IL33: variants seen among roughly 807,000 people sequenced by gnomAD.
IL33 encodes interleukin 33, also known as interleukin-33.
In IL33, 37 loss-of-function variants were observed where a neutral mutation model predicts 27.3. That is an observed-to-expected ratio of 1.36 (90% CI 1.04 to 1.78). The LOEUF is 1.78. Ranked by LOEUF, IL33 falls within the 40% of genes most tolerant of loss-of-function variation. The pLI is 0.00. For missense variants in IL33, 406 were observed against 311.4 expected (o/e 1.30, Z -2.29); for synonymous variants, 132 against 102.9 (o/e 1.28, Z -1.71).
rs1251688809 is a variant in IL33, at chr9:6,257,264, T to G, written c.*1096T>G. The G allele has an allele frequency of 6.6e-6, 1 of 152,206 alleles. No homozygotes were observed. Among genetic ancestry groups the G allele is most frequent in the Non-Finnish European group, 1.5e-5 (1 of 68,026 alleles). 9.4% of individuals were successfully genotyped at this position (152,206 alleles called of 1,614,324 possible). Reference sequence around the variant, plus strand: ...TTTCCCATGTGCACAAGTCTTTTTGTATTCCAGCTTCCTGATAACACTGCT... The same window carrying G: ...TTTCCCATGTGCACAAGTCTTTTTGGATTCCAGCTTCCTGATAACACTGCT... On this transcript the variant is annotated 3_prime_UTR_variant, in exon 8 of 8. Transcript: ENST00000682010.
At chr9:6,251,744 TA>T (rs869033837) in intron 4 of IL33, among the ~76,000 whole-genome samples, 8 of 147,248 alleles carry the variant, frequency 5.4e-5, no homozygotes, top group Non-Finnish European at 9.0e-5. Context: ...AGATCATCAT[TA>T]AAAAAAAAAC....
intron 2 of IL33, among the ~76,000 whole-genome samples, chr9:6,244,840 C>T (rs1819734317): frequency 6.6e-6 from 1 of 152,208 alleles, no homozygotes; most frequent in East Asian, 1.9e-4. Context: ...TCCTTCTCTT[C>T]TCTTGAGCTA....
At chr9:6,251,293 G>C (rs1355974395) in intron 4 of IL33, 28 bp downstream of exon 4, 25 of 1,610,416 alleles carry the variant, frequency 1.6e-5, no homozygotes, top group Non-Finnish European at 2.1e-5. Flanking sequence ...GGTGATGTGG[G>C]AGTGAGGAGG....
At chr9:6,232,465 T>C (rs1818971306) in intron 1 of IL33, among the ~76,000 whole-genome samples, 1 of 152,234 alleles carries the variant, frequency 6.6e-6, no homozygotes, top group Non-Finnish European at 1.5e-5. Context: ...TTCCCTAATT[T>C]AAATGTATGT....
intron 1 of IL33, among the ~76,000 whole-genome samples, chr9:6,230,957 C>A (rs767154406): frequency 6.6e-6 from 1 of 152,168 alleles, no homozygotes; most frequent in Non-Finnish European, 1.5e-5. Flanking sequence ...AAAAGGGAGA[C>A]AATCATATCC....
chr9:6,217,331 C>T (rs533649467), intron 1 of IL33, among the ~76,000 whole-genome samples: 1 of 152,178 alleles, frequency 6.6e-6, no homozygotes, highest in East Asian at 1.9e-4. Context: ...ATTCAGGACC[C>T]TCTCAAACTC....
chr9:6,230,708 T>C (rs1468019246), intron 1 of IL33, among the ~76,000 whole-genome samples: 1 of 152,174 alleles, frequency 6.6e-6, no homozygotes, highest in East Asian at 1.9e-4. Flanking sequence ...TTGCTTCCAG[T>C]ACCCAGCAAT....
intron 1 of IL33, among the ~76,000 whole-genome samples, chr9:6,239,089 T>C (rs1819387255): frequency 6.6e-6 from 1 of 152,158 alleles, no homozygotes; most frequent in Admixed American, 6.5e-5. Flanking sequence ...GGCAAAGTCC[T>C]CGGCAGAACT....
intron 2 of IL33, among the ~76,000 whole-genome samples, chr9:6,246,957 G>A (rs1819894437): frequency 6.6e-6 from 1 of 152,200 alleles, no homozygotes; most frequent in South Asian, 2.1e-4. Flanking sequence ...AGGTCACCCA[G>A]GTAGAGATAT....
intron 2 of IL33, chr9:6,242,642 A>G (rs572609996): frequency 6.6e-6 from 1 of 152,316 alleles, no homozygotes; most frequent in South Asian, 2.1e-4. Flanking sequence ...TACCACTACT[A>G]AAAACATAAA....
chr9:6,239,445 C>T (rs1197875729), intron 1 of IL33, among the ~76,000 whole-genome samples: 2 of 152,160 alleles, frequency 1.3e-5, no homozygotes, highest in Admixed American at 6.5e-5. Context: ...ACTGGAAGGA[C>T]AGCGTGGGGG....
chr9:6,237,762 A>T (rs180960276), intron 1 of IL33, among the ~76,000 whole-genome samples: 116 of 152,292 alleles, frequency 7.6e-4, no homozygotes, highest in African/African-American at 1.5e-3. Flanking sequence ...TAAGATTATT[A>T]AAAAAAGTAA....
At chr9:6,218,032 T>C (rs775073803) in intron 1 of IL33, among the ~76,000 whole-genome samples, 5 of 152,182 alleles carry the variant, frequency 3.3e-5, no homozygotes, top group Non-Finnish European at 7.3e-5. Context: ...ACCCAGAAAA[T>C]GTACCTCTCT....
intron 4 of IL33, 141 bp downstream of exon 4, chr9:6,251,406 C>G: frequency 8.0e-7 from 1 of 1,252,586 alleles, no homozygotes; most frequent in South Asian, 1.4e-5. Context: ...AGCTGATGTA[C>G]CCATCTAATA....
chr9:6,215,497 A>C (rs995530532), upstream of IL33, among the ~76,000 whole-genome samples: 1 of 152,244 alleles, frequency 6.6e-6, no homozygotes, highest in Non-Finnish European at 1.5e-5. Flanking sequence ...AAAAGTGAAT[A>C]TATAAATGGC....
At chr9:6,236,145 G>A (rs532307800) in intron 1 of IL33, among the ~76,000 whole-genome samples, 26 of 151,496 alleles carry the variant, frequency 1.7e-4, no homozygotes, top group South Asian at 1.7e-3. Flanking sequence ...TAAAAGACTC[G>A]TTAAGATATA....
At chr9:6,223,100 C>T (rs1355182650) in intron 1 of IL33, among the ~76,000 whole-genome samples, 1 of 152,044 alleles carries the variant, frequency 6.6e-6, no homozygotes, top group East Asian at 1.9e-4. Context: ...TTTGGTTTCC[C>T]CCAGAGGTAA....
Position 6,251,162 on chromosome 9 carries a change from G to C in IL33, c.240G>C (p.Leu80=), listed in dbSNP as rs769531634. The C allele has an allele frequency of 1.9e-6, 3 of 1,613,818 alleles. No individual in the cohort carries two copies. Among genetic ancestry groups the C allele is most frequent in the Admixed American group, 3.3e-5 (2 of 60,000 alleles). ...CAGGTAGAAAGCACAAAAGACATCT[G>C]GTACTCGCTGCCTGTCAACAGCAGT... The part of the protein sequence containing the change: ...LKTGRKHKRH[L]VLAACQQQST... The change falls in exon 4 of 8, where the codon CTG becomes CTC. Residue 80 remains leucine, a synonymous_variant. Transcript: ENST00000682010.
chr9:6,215,821 C>G lies in IL33; in HGVS notation c.-43C>G, dbSNP rs1451494717. On this transcript the variant is annotated 5_prime_UTR_variant, in exon 1 of 8. Transcript: ENST00000682010. ...CTCCTCCGAACACAGAGCTGCAGCT[C>G]TTCAGGGAAGAAATCAAAACAAGAT... 6.6e-6 allele frequency: 1 copy of G among 152,080 alleles called. No individual in the cohort carries two copies. The highest frequency in any genetic ancestry group is 2.4e-5 in the African/African-American group (1 of 41,406). The allele number at this position is 152,080 out of a possible 1,614,324, so 9.4% of individuals were successfully genotyped here.
Sources: allele counts gnomAD v4.1 joint callset (sites outside exome capture counted in the v4.1 genomes callset), GRCh38; gene constraint gnomAD v4.1.1; transcripts MANE v1.5; gene names NCBI Gene and HGNC (gene_info 2026-07-23, HGNC 2026-07-21).